The following FOXN4 variants were observed in gnomAD, a reference collection of about 807,000 sequenced individuals.
FOXN4 encodes the protein forkhead box N4.
FOXN4 carries 12 observed loss-of-function variants against 45.0 expected under a neutral mutation model. That is an observed-to-expected ratio of 0.27 (90% CI 0.17 to 0.43). The LOEUF (loss-of-function observed/expected upper bound fraction) is 0.43. FOXN4 is among the 20% of genes least tolerant of loss of function. FOXN4 has a pLI of 1.00. For missense variants in FOXN4, 560 were observed against 694.9 expected, an observed-to-expected ratio of 0.81 and a Z score of 2.18; for synonymous variants, 297 against 295.0, an observed-to-expected ratio of 1.01 and a Z score of -0.07.
At position 109,287,434 on chromosome 12, in the gene FOXN4, G is replaced by A. The variant is rs999160211; in HGVS notation, c.559C>T (p.His187Tyr). The A allele has an allele frequency of 4.3e-5, 67 of 1,551,496 alleles. No homozygotes were observed. Among genetic ancestry groups the A allele is most frequent in the Middle Eastern group, 1.7e-4 (1 of 5,998 alleles). Residue 187 changes from histidine (H) to tyrosine (Y), a missense_variant, in exon 6 of 10, where the codon CAC becomes TAC. By Grantham distance (83) the His-to-Tyr change is moderately conservative (BLOSUM62 2). This residue lies in a region of FOXN4 where 61 missense variants were observed against 59.8 expected (regional missense o/e 1.02). Coordinates refer to ENST00000299162, the MANE Select transcript of FOXN4 (RefSeq NM_213596.3). This position sits in a 1 kb window ranked among gnomAD's most constrained non-coding sequence, Gnocchi z 4.1. The stretch of plus-strand genomic sequence containing the variant: ...ATGGGCTTGGGGTAGTGTTTGGGGT[G>A]CAGTTCTTGAGATGAATGCACAGCC... ...HVAVHSSQELHPKHYPKPIYS... is the reference protein window; with the variant it reads ...HVAVHSSQELYPKHYPKPIYS...
chr12:109,297,727 TTC>T (rs2047830715), intron 2 of FOXN4, among the ~76,000 whole-genome samples: 3 of 152,178 alleles, frequency 2.0e-5, no homozygotes, highest in African/African-American at 4.8e-5. Context: ...CATGGAAAAA[TTC>T]TCTTTCACAA....
At chr12:109,285,279 G>GCGCA (rs2047698327) in intron 8 of FOXN4, 25 bp downstream of exon 8, 2 of 1,560,636 alleles carry the variant, frequency 1.3e-6, no homozygotes, top group African/African-American at 1.4e-5. Context: ...GTGTGTGCGC[G>GCGCA]CACTGCGGGC....
chr12:109,304,834 A>C (rs2047907373), intron 2 of FOXN4, among the ~76,000 whole-genome samples: 2 of 152,256 alleles, frequency 1.3e-5, no homozygotes, highest in South Asian at 4.1e-4. Flanking sequence ...TGGGGAGAAA[A>C]ATGGGAGTGG....
rs972730285 is a variant in FOXN4 at position 109,287,571 on chromosome 12, G to A, written c.469-47C>T. 24 of 1,483,768 alleles carry A rather than the reference G, an allele frequency of 1.6e-5. No homozygotes were observed. The highest frequency in any genetic ancestry group is 2.1e-5 in the Non-Finnish European group (24 of 1,117,886). 91.9% of individuals were successfully genotyped at this position (1,483,768 alleles called of 1,614,324 possible). ...GAGAAAGTGGCAGAGAAAGAGAGAA[G>A]GTGAGAAATAACATACGTCACTCAC... On this transcript the variant is annotated intron_variant, in intron 5 of 9. Coordinates refer to ENST00000299162, the MANE Select transcript of FOXN4 (RefSeq NM_213596.3). The surrounding 1 kb of genome is among the most constrained non-coding windows in gnomAD (Gnocchi z 4.1).
In FOXN4 at chr12:109,288,118, G is replaced by A. The variant is rs528348066; in HGVS notation, c.295C>T (p.Pro99Ser). The change falls in exon 4 of 10, where the codon CCA (proline) becomes TCA (serine). Residue 99 changes from proline to serine, a missense_variant. Physicochemically the swap from Pro to Ser is moderately conservative, Grantham distance 74. Transcript: ENST00000299162. The surrounding 1 kb of genome is among the most constrained non-coding windows in gnomAD (Gnocchi z 4.3). ...ATGCCTCGGGGGGCCATGCCTGCTG[G>A]GCCATGGAGAAGGGGACTTGGAGTG... ...GATPSPLLHGPAGMAPRGMPG... is the reference protein window; with the variant it reads ...GATPSPLLHGSAGMAPRGMPG... 3 of 1,545,754 alleles carry A rather than the reference G, an allele frequency of 1.9e-6. No individual in the cohort carries two copies. Among genetic ancestry groups the A allele is most frequent in the East Asian group, 4.9e-5 (2 of 40,884 alleles).
At chr12:109,284,446 T>TGTGTGCGTGC (rs2047682428) in intron 8 of FOXN4, among the ~76,000 whole-genome samples, 1 of 151,748 alleles carries the variant, frequency 6.6e-6, no homozygotes, top group Non-Finnish European at 1.5e-5. Context: ...TGTGCATGCA[T>TGTGTGCGTGC]ATGTGTGCGT....
chr12:109,296,535 C>T (rs1157242296), intron 2 of FOXN4, among the ~76,000 whole-genome samples: 2 of 152,164 alleles, frequency 1.3e-5, no homozygotes, highest in Non-Finnish European at 2.9e-5. Flanking sequence ...TCTTCTGAGC[C>T]CAACTGGTGG....
chr12:109,286,787 G>A, intron 6 of FOXN4, 43 bp from the exon 7 acceptor site: 1 of 1,569,236 alleles, frequency 6.4e-7, no homozygotes, highest in South Asian at 1.2e-5. Flanking sequence ...GGCAGGACAG[G>A]GCAGGCCAGG....
At position 109,287,574 on chromosome 12, in the gene FOXN4, G is replaced by A. The variant is rs931590599; in HGVS notation, c.469-50C>T. ...AAAGTGGCAGAGAAAGAGAGAAGGT[G>A]AGAAATAACATACGTCACTCACAGT... On this transcript the variant is annotated intron_variant, in intron 5 of 9. Coordinates refer to ENST00000299162, the MANE Select transcript of FOXN4 (RefSeq NM_213596.3). This position sits in a 1 kb window ranked among gnomAD's most constrained non-coding sequence, Gnocchi z 4.1. The A allele has an allele frequency of 1.6e-5, 24 of 1,482,548 alleles. No individual in the cohort carries two copies. In the African/African-American group the frequency reaches 2.3e-4, roughly 14 times the overall value. 91.8% of individuals were successfully genotyped at this position (1,482,548 alleles called of 1,614,324 possible).
Position 109,281,541 on chromosome 12 carries a change from A to G in FOXN4, c.1160T>C (p.Leu387Pro), listed in dbSNP as rs749716449. The G allele has an allele frequency of 2.3e-5, 37 of 1,612,940 alleles. No homozygotes were observed. Among genetic ancestry groups the G allele is most frequent in the African/African-American group, 1.3e-5 (1 of 74,856 alleles). ...APAQTPPLHALPDLSPSPLPH... is the reference protein window; with the variant it reads ...APAQTPPLHAPPDLSPSPLPH... ...GAGCGGGCTGGGGCTGAGGTCCGGC[A>G]GGGCGTGCAGTGGCGGGGTCTGGGC... The change falls in exon 9 of 10, where the codon CTG becomes CCG. Residue 387 changes from leucine to proline, a missense_variant. Around this residue, in one of 5 missense-constraint regions of FOXN4, gnomAD observed 315 missense variants for 350.5 expected, o/e 0.90. Transcript: ENST00000299162.
chr12:109,285,956 C>T (rs2047706476), intron 7 of FOXN4, among the ~76,000 whole-genome samples: 1 of 151,386 alleles, frequency 6.6e-6, no homozygotes, highest in Non-Finnish European at 1.5e-5. Flanking sequence ...ACCTCAACCT[C>T]CTGGGATCAA....
chr12:109,303,577 A>T (rs1425774698), intron 2 of FOXN4, among the ~76,000 whole-genome samples: 1 of 152,192 alleles, frequency 6.6e-6, no homozygotes. Flanking sequence ...AGGTCGCCTC[A>T]TTTCTTAGAG....
At chr12:109,303,861 T>C (rs1240730976) in intron 2 of FOXN4, among the ~76,000 whole-genome samples, 2 of 152,186 alleles carry the variant, frequency 1.3e-5, no homozygotes, top group Non-Finnish European at 2.9e-5. Flanking sequence ...TTGGCCTCAG[T>C]ATCCTTACCT....
At chr12:109,286,515 C>T in intron 7 of FOXN4, 133 bp downstream of exon 7, 1 of 805,282 alleles carries the variant, frequency 1.2e-6, no homozygotes, top group Non-Finnish European at 2.0e-6. Context: ...TGTGTGTGCA[C>T]ATGTCCTAAC....
chr12:109,301,464 G>A (rs1018311338), intron 2 of FOXN4, among the ~76,000 whole-genome samples: 4 of 152,088 alleles, frequency 2.6e-5, no homozygotes, highest in African/African-American at 9.7e-5. Context: ...CCTGGCACTC[G>A]ACCATCTCCT....
intron 2 of FOXN4, among the ~76,000 whole-genome samples, chr12:109,303,033 G>A (rs2136946095): frequency 6.6e-6 from 1 of 152,356 alleles, no homozygotes; most frequent in Admixed American, 6.5e-5. Flanking sequence ...TCAGTGTAGT[G>A]TGAAATGATT....
intron 2 of FOXN4, among the ~76,000 whole-genome samples, chr12:109,292,461 G>A (rs1405602370): frequency 1.3e-5 from 2 of 152,150 alleles, no homozygotes; most frequent in African/African-American, 4.8e-5. Context: ...TTGCCTGTGT[G>A]CCCTTGGGCC....
At position 109,287,763 on chromosome 12, in the gene FOXN4, A is replaced by T; in HGVS notation, c.468+81T>A. The T allele has an allele frequency of 7.6e-7, 1 of 1,317,982 alleles. No homozygotes were observed. The highest frequency in any genetic ancestry group is 1.0e-6 in the Non-Finnish European group (1 of 979,948). The allele number at this position is 1,317,982 out of a possible 1,614,324, so 81.6% of individuals were successfully genotyped here. A position where few individuals can be genotyped will look rare whatever the true frequency, so the allele number is the denominator to read the frequency against. On this transcript the variant is annotated intron_variant, in intron 5 of 9. Coordinates refer to ENST00000299162, the MANE Select transcript of FOXN4 (RefSeq NM_213596.3). The surrounding 1 kb of genome is among the most constrained non-coding windows in gnomAD (Gnocchi z 4.1). ...TTATCCCCATGTGCTGGGTGAGTAA[A>T]CTGAGGCTCAGAGGGGTCCCCGGCC...
At chr12:109,300,009 T>C (rs1420336777) in intron 2 of FOXN4, among the ~76,000 whole-genome samples, 2 of 152,212 alleles carry the variant, frequency 1.3e-5, no homozygotes, top group African/African-American at 4.8e-5. Context: ...TCTGCCTCTC[T>C]GAGCCTCAGT....
Sources: gnomAD v4.1 joint callset for allele counts (sites outside exome capture counted in the v4.1 genomes callset) on GRCh38, gnomAD v4.1.1 for gene constraint, gnomAD v4.1.1 regional missense constraint, Gnocchi (gnomAD v3.1) non-coding constraint, MANE v1.5 for transcripts, NCBI Gene and HGNC (gene_info 2026-07-23, HGNC 2026-07-21) for gene names.